Variants in DNAH9 observed in about 807,000 individuals in gnomAD.
DNAH9 encodes dynein axonemal heavy chain 9.
In DNAH9, 345 loss-of-function variants were observed where a neutral mutation model predicts 471.6. The observed-to-expected ratio is 0.73, with a 90% confidence interval of 0.67 to 0.80. The LOEUF is 0.80. Ranked by LOEUF, DNAH9 falls within the 30% of genes least tolerant of loss-of-function variation. The probability of loss-of-function intolerance (pLI) is 0.00; values close to 1 mark genes in which losing one functional copy is unlikely to be tolerated. For missense variants in DNAH9, 5,407 were observed against 5,609.2 expected, an observed-to-expected ratio of 0.96 and a Z score of 1.15; for synonymous variants, 2,093 against 2,123.6, an observed-to-expected ratio of 0.99 and a Z score of 0.40.
chr17:11,701,115 C>T lies in DNAH9; in HGVS notation c.5026-7C>T, dbSNP rs779894099. On this transcript the variant is annotated splice_polypyrimidine_tract_variant and splice_region_variant and intron_variant, in intron 23 of 68. Transcript: ENST00000262442. ...CACCCAGTGTCTAACCTGAGTTGTT[C>T]TTTCAGGTAGAAATATGGCTGAACC... The T allele has an allele frequency of 4.3e-6, 7 of 1,613,920 alleles. No homozygotes were observed. The highest frequency in any genetic ancestry group is 1.1e-5 in the South Asian group (1 of 91,070).
chr17:11,847,011 A>G (rs1024545943), intron 49 of DNAH9, among the ~76,000 whole-genome samples: 4 of 151,816 alleles, frequency 2.6e-5, no homozygotes, highest in African/African-American at 7.3e-5. Context: ...TCTCCTGCCT[A>G]ATTGCCCTGG....
intron 17 of DNAH9, among the ~76,000 whole-genome samples, chr17:11,676,491 C>A (rs1233394940): frequency 6.6e-6 from 1 of 151,956 alleles, no homozygotes; most frequent in Non-Finnish European, 1.5e-5. Context: ...CCATGTTGGT[C>A]ATGCTGGTCT....
In DNAH9 at chr17:11,949,225, T is replaced by G. The variant is rs75656630; in HGVS notation, c.12843+6740T>G. Among the ~76,000 whole-genome samples the G allele has an allele frequency of 6.6e-3, 1,002 of 152,226 alleles. 46 individuals are homozygous for G. The East Asian group carries it at 0.14, about 21-fold the overall frequency. ...TCACAGCCAGATAGCCCTCCTATCC[T>G]GAAAAGGGGCCACCCAGCCTGTAGT... is the stretch of plus-strand genomic sequence containing the variant. On this transcript the variant is annotated intron_variant, in intron 67 of 68. Transcript: ENST00000262442.
At chr17:11,811,141 C>T (rs1376710706) in intron 45 of DNAH9, among the ~76,000 whole-genome samples, 1 of 152,014 alleles carries the variant, frequency 6.6e-6, no homozygotes, top group Non-Finnish European at 1.5e-5. Flanking sequence ...GGTGAAATGC[C>T]ATCTCTACTA....
chr17:11,665,272 A>G (rs1239539886), intron 15 of DNAH9, among the ~76,000 whole-genome samples: 1 of 152,228 alleles, frequency 6.6e-6, no homozygotes, highest in Non-Finnish European at 1.5e-5. Context: ...CACGTTAAGA[A>G]GCAGGAAGCA....
rs549561800 is a variant in DNAH9 at position 11,711,380 on chromosome 17, C to G, written c.5552+6195C>G. Among the ~76,000 whole-genome samples the G allele has an allele frequency of 2.0e-5, 3 of 152,226 alleles. No homozygotes were observed. In the East Asian group the frequency reaches 5.8e-4, roughly 29 times the overall value. Reference sequence around the variant, plus strand: ...GTTATTTCTTTTGTTTTCAAAGTGACTAGTGGGCTTAATGTTTTTTGGTGA... The same window carrying G: ...GTTATTTCTTTTGTTTTCAAAGTGAGTAGTGGGCTTAATGTTTTTTGGTGA... On this transcript the variant is annotated intron_variant, in intron 26 of 68. Coordinates refer to ENST00000262442, the MANE Select transcript of DNAH9 (RefSeq NM_001372.4).
intron 12 of DNAH9, 32 bp downstream of exon 12, chr17:11,647,230 T>G: frequency 1.2e-6 from 2 of 1,603,372 alleles, no homozygotes; most frequent in Non-Finnish European, 1.7e-6. Flanking sequence ...CTCTTTTGGG[T>G]TCCTGAAGAG....
chr17:11,700,001 T>A (rs1045376322), intron 23 of DNAH9, 118 bp downstream of exon 23: 3 of 1,014,530 alleles, frequency 3.0e-6, no homozygotes, highest in Non-Finnish European at 4.3e-6. Context: ...CTGCTGTCCA[T>A]GCCCTCCAAG....
chr17:11,696,705 C>A (rs1255366577), intron 22 of DNAH9, among the ~76,000 whole-genome samples: 1 of 152,116 alleles, frequency 6.6e-6, no homozygotes, highest in Non-Finnish European at 1.5e-5. Context: ...ATAGTTATAG[C>A]AGTTCTTTTT....
rs61067153 is a variant in DNAH9, at chr17:11,843,863, G to GTATATATATATA, written c.9507+8982_9507+8993dup. Among the ~76,000 whole-genome samples, 301 of 46,448 alleles carry GTATATATATATA rather than the reference G, an allele frequency of 6.5e-3. 7 individuals are homozygous for GTATATATATATA. The highest frequency in any genetic ancestry group is 0.022 in the African/African-American group (275 of 12,360). The allele number at this position is 46,448 out of a possible 152,430, so 30.5% of individuals were successfully genotyped here. A position where few individuals can be genotyped will look rare whatever the true frequency, so the allele number is the denominator to read the frequency against. The stretch of plus-strand genomic sequence containing the variant: ...TGTTTGTGTGTGTGTGTGTGTGTGT[G>GTATATATATATA]TATATATATATATATATATATATAT... On this transcript the variant is annotated intron_variant, in intron 49 of 68. Coordinates refer to ENST00000262442, the MANE Select transcript of DNAH9 (RefSeq NM_001372.4).
intron 59 of DNAH9, among the ~76,000 whole-genome samples, chr17:11,895,712 A>G (rs868293088): frequency 2.0e-4 from 30 of 152,260 alleles, no homozygotes; most frequent in Middle Eastern, 3.4e-3. Flanking sequence ...CCCAATACCT[A>G]CCAACTACGA....
chr17:11,806,589 G>A (rs757347748), intron 43 of DNAH9, among the ~76,000 whole-genome samples: 16 of 151,958 alleles, frequency 1.1e-4, no homozygotes, highest in Non-Finnish European at 2.4e-4. Context: ...AAAAGACTGT[G>A]TTCAGTATAC....
In DNAH9 at chr17:11,683,531, T is replaced by C. The variant is rs72810866; in HGVS notation, c.3743+2642T>C. 4.3e-3 allele frequency among the ~76,000 whole-genome samples: 654 copies of C among 152,310 alleles called. 2 individuals carry two copies. The highest frequency in any genetic ancestry group is 5.4e-3 in the Non-Finnish European group (364 of 68,032). The stretch of plus-strand genomic sequence containing the variant: ...AAATTCAAAGATGTTGGGGAAAATA[T>C]CCTCCCAAAGAGACTTCTAAGACTG... On this transcript the variant is annotated intron_variant, in intron 19 of 68. Coordinates refer to ENST00000262442, the MANE Select transcript of DNAH9 (RefSeq NM_001372.4).
At chr17:11,632,734 T>A in intron 8 of DNAH9, 31 bp downstream of exon 8, 1 of 1,014,644 alleles carries the variant, frequency 9.9e-7, no homozygotes, top group Non-Finnish European at 1.6e-6. Flanking sequence ...AGCCACTCGG[T>A]CCTGGATACT....
intron 33 of DNAH9, among the ~76,000 whole-genome samples, chr17:11,753,371 G>C (rs1054569163): frequency 6.6e-6 from 1 of 152,010 alleles, no homozygotes; most frequent in African/African-American, 2.4e-5. Flanking sequence ...GTTCCATTGA[G>C]AGGCTATTTT....
At chr17:11,890,853 A>G (rs575635335) in intron 57 of DNAH9, among the ~76,000 whole-genome samples, 2 of 152,070 alleles carry the variant, frequency 1.3e-5, no homozygotes, top group East Asian at 3.9e-4. Context: ...CCATGCCCGG[A>G]CAATTTAATT....
chr17:11,822,053 A>G lies in DNAH9; in HGVS notation c.8841A>G (p.Arg2947=), dbSNP rs771160058. The change falls in exon 46 of 69, where the codon CGA becomes CGG. Residue 2947 remains arginine (R), a synonymous_variant. Transcript: ENST00000262442. The part of the protein sequence containing the change: ...CWKFFIDRIR[R]QLKVTLCFSP... The stretch of plus-strand genomic sequence containing the variant: ...AGTTCTTTATAGATCGGATCCGGCG[A>G]CAGCTGAAGGTAAAGAGCATTTACT... 1.2e-6 allele frequency: 2 copies of G among 1,612,300 alleles called. No individual in the cohort carries two copies. Among genetic ancestry groups the G allele is most frequent in the South Asian group, 1.1e-5 (1 of 90,744 alleles).
chr17:11,631,489 C>T (rs2073064210), intron 7 of DNAH9, among the ~76,000 whole-genome samples: 1 of 151,740 alleles, frequency 6.6e-6, no homozygotes, highest in African/African-American at 2.4e-5. Flanking sequence ...ATTAAAAATA[C>T]AAAAAAATAG....
rs9902575 is a variant in DNAH9, at chr17:11,931,002, C to T, written c.12105+909C>T. Among the ~76,000 whole-genome samples, 331 of 152,200 alleles carry T rather than the reference C, an allele frequency of 2.2e-3. 2 individuals carry two copies. The highest frequency in any genetic ancestry group is 7.4e-3 in the African/African-American group (307 of 41,560). Reference sequence around the variant, plus strand: ...ATTTATTTGAAGCCAGGTCCAAGCCCGTGGTGGCCAACTTTGTATATGAAG... The same window carrying T: ...ATTTATTTGAAGCCAGGTCCAAGCCTGTGGTGGCCAACTTTGTATATGAAG... On this transcript the variant is annotated intron_variant, in intron 63 of 68. Coordinates refer to ENST00000262442, the MANE Select transcript of DNAH9 (RefSeq NM_001372.4).
Sources: gnomAD v4.1 joint callset for allele counts (sites outside exome capture counted in the v4.1 genomes callset) on GRCh38, gnomAD v4.1.1 for gene constraint, MANE v1.5 for transcripts, NCBI Gene and HGNC (gene_info 2026-07-23, HGNC 2026-07-21) for gene names.